The following ANKFN1 variants were observed in gnomAD, a reference collection of about 807,000 sequenced individuals.
ANKFN1 encodes the protein ankyrin repeat and fibronectin type III domain containing 1, also known as ankyrin repeat and fibronectin type-III domain-containing protein 1.
A neutral mutation model predicts 108.7 loss-of-function variants in ANKFN1; 74 were observed. The ratio of observed to expected loss-of-function variants is 0.68; its 90% CI spans 0.56 to 0.83. The LOEUF is 0.83. Among genes scored for constraint, ANKFN1 ranks in the 40% least tolerant of loss-of-function variants. The probability of loss-of-function intolerance (pLI) is 0.00; values close to 1 mark genes in which losing one functional copy is unlikely to be tolerated. For missense variants in ANKFN1, 1,505 were observed against 1,382.3 expected (o/e 1.09, Z -1.41); for synonymous variants, 547 against 516.2 (o/e 1.06, Z -0.81).
At position 56,189,170 on chromosome 17, in the gene ANKFN1, C is replaced by CTTTTTTT. The variant is rs532063852; in HGVS notation, c.-70-23416_-70-23410dup. Among the ~76,000 whole-genome samples the CTTTTTTT allele has an allele frequency of 3.3e-3, 283 of 85,234 alleles. 10 individuals are homozygous for CTTTTTTT. Among genetic ancestry groups the CTTTTTTT allele is most frequent in the East Asian group, 5.0e-3 (10 of 2,014 alleles). The allele number at this position is 85,234 out of a possible 152,430, so 55.9% of individuals were successfully genotyped here. A position where few individuals can be genotyped will look rare whatever the true frequency, so the allele number is the denominator to read the frequency against. On this transcript the variant is annotated intron_variant, in intron 1 of 20. Coordinates refer to ENST00000682825, the MANE Select transcript of ANKFN1 (RefSeq NM_001370326.1). ...CCTAAGTAAGTAAATGTTGCCCTGA[C>CTTTTTTT]TTTTTTTTTTTTTTTTTTGAGACGG...
At chr17:56,311,223 G>A (rs2045016104) in intron 3 of ANKFN1, among the ~76,000 whole-genome samples, 1 of 152,094 alleles carries the variant, frequency 6.6e-6, no homozygotes, top group African/African-American at 2.4e-5. Context: ...CTGTTCATGT[G>A]AAGGTGATTC....
At position 56,201,271 on chromosome 17, in the gene ANKFN1, T is replaced by C. The variant is rs140859007; in HGVS notation, c.-70-11327T>C. On this transcript the variant is annotated intron_variant, in intron 1 of 20. Coordinates refer to ENST00000682825, the MANE Select transcript of ANKFN1 (RefSeq NM_001370326.1). The stretch of plus-strand genomic sequence containing the variant: ...TTCCTCCCACCATCAAGCCTTTACA[T>C]CGCTGTTCTTCTACCTAGAAAACTA... Among the ~76,000 whole-genome samples the C allele has an allele frequency of 1.7e-3, 259 of 152,302 alleles. 3 individuals carry two copies. Among genetic ancestry groups the C allele is most frequent in the African/African-American group, 6.0e-3 (249 of 41,570 alleles).
rs1015817950 is a variant in ANKFN1 at position 56,409,580 on chromosome 17, C to T, written c.911-30747C>T. ...GTTCCTAAAGCCATCAAAATTAATCCTGATAGCTGACTGCTCTGTGATGAA... is the reference window on the plus strand; with the variant it reads ...GTTCCTAAAGCCATCAAAATTAATCTTGATAGCTGACTGCTCTGTGATGAA... On this transcript the variant is annotated intron_variant, in intron 8 of 20. Coordinates refer to ENST00000682825, the MANE Select transcript of ANKFN1 (RefSeq NM_001370326.1). 2.6e-5 allele frequency among the ~76,000 whole-genome samples: 4 copies of T among 152,136 alleles called. No individual in the cohort carries two copies. The East Asian group carries it at 7.7e-4, about 29-fold the overall frequency.
intron 4 of ANKFN1, among the ~76,000 whole-genome samples, chr17:56,340,440 G>A (rs1398956778): frequency 6.6e-6 from 1 of 151,886 alleles, no homozygotes; most frequent in Non-Finnish European, 1.5e-5. Flanking sequence ...ATAGTTTTGG[G>A]ATTTACATTT....
At chr17:56,194,680 A>G (rs931602478) in intron 1 of ANKFN1, among the ~76,000 whole-genome samples, 9 of 152,198 alleles carry the variant, frequency 5.9e-5, no homozygotes, top group African/African-American at 1.2e-4. Flanking sequence ...ACATTAATAC[A>G]TGTGTCTTAA....
Position 56,514,745 on chromosome 17 carries a change from T to C in ANKFN1, c.*3476T>C, listed in dbSNP as rs1186056439. Among the ~76,000 whole-genome samples, 1 of 152,170 alleles carries C rather than the reference T, an allele frequency of 6.6e-6. No homozygotes were observed. Among genetic ancestry groups the C allele is most frequent in the Non-Finnish European group, 1.5e-5 (1 of 68,026 alleles). On this transcript the variant is annotated 3_prime_UTR_variant, in exon 21 of 21. Transcript: ENST00000682825. ...GTAATAATATTTCGCCAGTCCTCTT[T>C]CCTGAAGGATCCCAAAGCACTTTAT...
intron 1 of ANKFN1, among the ~76,000 whole-genome samples, chr17:56,165,692 A>G (rs1427326375): frequency 2.0e-5 from 3 of 152,128 alleles, no homozygotes; most frequent in Non-Finnish European, 4.4e-5. Flanking sequence ...CAGAGAAACA[A>G]TCAACTTTAG....
intron 14 of ANKFN1, among the ~76,000 whole-genome samples, chr17:56,460,807 C>T (rs1375052443): frequency 2.0e-5 from 3 of 152,066 alleles, no homozygotes; most frequent in African/African-American, 4.8e-5. Context: ...CCTCTCATAG[C>T]CCCACATGCC....
chr17:56,264,715 T>C (rs912241474), intron 3 of ANKFN1, among the ~76,000 whole-genome samples: 2 of 152,212 alleles, frequency 1.3e-5, no homozygotes, highest in African/African-American at 2.4e-5. Context: ...GCTCTGCCAC[T>C]TTCTGACCTT....
In ANKFN1 at chr17:56,481,667, T is replaced by C. The variant is rs183187782; in HGVS notation, c.2092-689T>C. Among the ~76,000 whole-genome samples, 45 of 152,252 alleles carry C rather than the reference T, an allele frequency of 3.0e-4. No individual in the cohort carries two copies. The East Asian group carries it at 7.5e-3, about 25-fold the overall frequency. ...TTAGAGTTCTAAGAATGTCCTTCCA[T>C]TGGGGTGCTCTTTCGATTTTAAGTC... On this transcript the variant is annotated intron_variant, in intron 17 of 20. Coordinates refer to ENST00000682825, the MANE Select transcript of ANKFN1 (RefSeq NM_001370326.1).
intron 4 of ANKFN1, among the ~76,000 whole-genome samples, chr17:56,341,173 A>C (rs2045948901): frequency 6.6e-6 from 1 of 152,130 alleles, no homozygotes; most frequent in East Asian, 1.9e-4. Context: ...GACTTTGCTA[A>C]AGTTGTTTAT....
intron 1 of ANKFN1, among the ~76,000 whole-genome samples, chr17:56,208,255 A>G (rs940983042): frequency 3.0e-4 from 45 of 152,308 alleles, no homozygotes; most frequent in African/African-American, 9.4e-4. Context: ...TCCTGACCTC[A>G]GGTGATCCAC....
chr17:56,077,777 A>C (rs1015959764), intron 4 of ANKFN1, among the ~76,000 whole-genome samples: 2 of 150,602 alleles, frequency 1.3e-5, no homozygotes, highest in African/African-American at 2.4e-5. Flanking sequence ...TGGAATGTTT[A>C]CTGCATTTGG....
intron 5 of ANKFN1, among the ~76,000 whole-genome samples, chr17:56,352,359 T>A (rs1308896161): frequency 6.6e-6 from 1 of 152,208 alleles, no homozygotes; most frequent in East Asian, 1.9e-4. Flanking sequence ...TTAATGAGAC[T>A]AAAAATAAAA....
At chr17:56,149,539 A>G (rs983399731), upstream of ANKFN1, among the ~76,000 whole-genome samples, 2 of 152,216 alleles carry the variant, frequency 1.3e-5, no homozygotes, top group African/African-American at 4.8e-5. Flanking sequence ...GCTTAAACAG[A>G]GAGGGCTAGA....
chr17:56,513,246 A>G lies in ANKFN1; in HGVS notation c.*1977A>G, dbSNP rs941830098. 6.6e-6 allele frequency among the ~76,000 whole-genome samples: 1 copy of G among 152,250 alleles called. No individual in the cohort carries two copies. The highest frequency in any genetic ancestry group is 2.4e-5 in the African/African-American group (1 of 41,476). The stretch of plus-strand genomic sequence containing the variant: ...CAGGGAATCTCCTATTTTGTAGATC[A>G]TCTACCTACTTCTGATTTCAAATTC... On this transcript the variant is annotated 3_prime_UTR_variant, in exon 21 of 21. Transcript: ENST00000682825.
At chr17:56,065,143 C>A (rs1368588857) in intron 4 of ANKFN1, among the ~76,000 whole-genome samples, 2 of 152,170 alleles carry the variant, frequency 1.3e-5, no homozygotes, top group African/African-American at 4.8e-5. Context: ...CAGATTGCTG[C>A]TGTTTCTAGT....
chr17:56,433,383 TAGA>T (rs1411518969), intron 8 of ANKFN1, among the ~76,000 whole-genome samples: 1 of 152,078 alleles, frequency 6.6e-6, no homozygotes, highest in Non-Finnish European at 1.5e-5. Context: ...TTTTGAGTAT[TAGA>T]AGAATATTTC....
intron 8 of ANKFN1, among the ~76,000 whole-genome samples, chr17:56,430,449 G>A (rs2048715020): frequency 6.6e-6 from 1 of 150,574 alleles, no homozygotes; most frequent in East Asian, 2.0e-4. Context: ...TAGTAATACT[G>A]CATTGTCTAC....
Sources: allele counts gnomAD v4.1 joint callset (sites outside exome capture counted in the v4.1 genomes callset), GRCh38; gene constraint gnomAD v4.1.1; transcripts MANE v1.5; gene names NCBI Gene and HGNC (gene_info 2026-07-23, HGNC 2026-07-21).